ZBTB20: variants seen among roughly 807,000 people sequenced by gnomAD.
ZBTB20 encodes zinc finger and BTB domain containing 20.
A neutral mutation model predicts 56.9 loss-of-function variants in ZBTB20; 9 were observed. That is an observed-to-expected ratio of 0.16 (90% confidence interval 0.10 to 0.28). ZBTB20 has a LOEUF of 0.28. Among genes scored for constraint, ZBTB20 ranks in the 10% least tolerant of loss-of-function variants. The probability of loss-of-function intolerance (pLI) is 1.00; values close to 1 mark genes in which losing one functional copy is unlikely to be tolerated. For missense variants in ZBTB20, 655 were observed against 1,003.0 expected (o/e 0.65, Z 4.69); for synonymous variants, 417 against 420.7 (o/e 0.99, Z 0.11).
intron 1 of ZBTB20, among the ~76,000 whole-genome samples, chr3:115,087,032 G>A (rs180715888): frequency 9.0e-4 from 136 of 151,910 alleles, no homozygotes; most frequent in Admixed American, 2.0e-3. Flanking sequence ...GGGCCAAATA[G>A]CAACTTTCCC....
At chr3:114,783,539 T>C (rs1248792337) in intron 5 of ZBTB20, among the ~76,000 whole-genome samples, 1 of 152,122 alleles carries the variant, frequency 6.6e-6, no homozygotes, top group East Asian at 1.9e-4. Flanking sequence ...CTCATGCCTG[T>C]AATCCCAGCA....
rs2073460516 is a variant in ZBTB20, at chr3:114,825,198, A to G, written c.-416-24024T>C. On this transcript the variant is annotated intron_variant, in intron 4 of 11. Coordinates refer to ENST00000675478, the MANE Select transcript of ZBTB20 (RefSeq NM_001348800.3). ...ATTTTGAGACTTGCTTGATTTTAGA[A>G]TTACAGGTGGAAAGTCACTTCTCTT... Among the ~76,000 whole-genome samples, 3 of 151,908 alleles carry G rather than the reference A, an allele frequency of 2.0e-5. No individual in the cohort carries two copies. In the South Asian group the frequency reaches 6.2e-4, roughly 31 times the overall value.
At chr3:114,875,863 G>T (rs2076172285) in intron 4 of ZBTB20, among the ~76,000 whole-genome samples, 1 of 152,134 alleles carries the variant, frequency 6.6e-6, no homozygotes, top group Admixed American at 6.6e-5. Context: ...CGTACATGAG[G>T]TATTCCATTC....
intron 6 of ZBTB20, among the ~76,000 whole-genome samples, chr3:114,558,987 C>A (rs77792107): frequency 6.6e-6 from 1 of 152,154 alleles, no homozygotes; most frequent in South Asian, 2.1e-4. Flanking sequence ...CATCTCCTTA[C>A]ATGCCATCCG....
At chr3:114,728,298 A>G (rs1304023511) in intron 5 of ZBTB20, among the ~76,000 whole-genome samples, 1 of 152,216 alleles carries the variant, frequency 6.6e-6, no homozygotes, top group African/African-American at 2.4e-5. Flanking sequence ...TGTCTCAAAA[A>G]TCCTGTGGGG....
At chr3:114,532,589 C>T (rs147060508) in intron 6 of ZBTB20, among the ~76,000 whole-genome samples, 3 of 152,312 alleles carry the variant, frequency 2.0e-5, no homozygotes, top group African/African-American at 4.8e-5. Flanking sequence ...TTCCCACCTG[C>T]CAGCTCTGAA....
chr3:115,115,732 T>C (rs2083999058), intron 1 of ZBTB20, among the ~76,000 whole-genome samples: 1 of 152,070 alleles, frequency 6.6e-6, no homozygotes, highest in African/African-American at 2.4e-5. Context: ...CCCAAAAGTC[T>C]TCTAAATATT....
Position 114,437,681 on chromosome 3 carries a change from C to T in ZBTB20, c.-254-48576G>A, listed in dbSNP as rs140574457. On this transcript the variant is annotated intron_variant, in intron 7 of 11. Coordinates refer to ENST00000675478, the MANE Select transcript of ZBTB20 (RefSeq NM_001348800.3). ...CAGTCAGGCTCCTTGTTACACAGCA[C>T]TCTTTTCTCAGCTCCTACAAAATAT... 9.7e-3 allele frequency among the ~76,000 whole-genome samples: 1,476 copies of T among 152,268 alleles called. 21 individuals carry two copies. Among genetic ancestry groups the T allele is most frequent in the Non-Finnish European group, 0.014 (945 of 67,998 alleles).
At chr3:114,443,884 T>A (rs527601700) in intron 7 of ZBTB20, among the ~76,000 whole-genome samples, 1 of 152,346 alleles carries the variant, frequency 6.6e-6, no homozygotes, top group African/African-American at 2.4e-5. Context: ...TAAAATTAAG[T>A]ACATTGCCTA....
At chr3:114,813,114 C>T (rs1415814842) in intron 4 of ZBTB20, among the ~76,000 whole-genome samples, 1 of 152,224 alleles carries the variant, frequency 6.6e-6, no homozygotes, top group Non-Finnish European at 1.5e-5. Context: ...AGTGCAGCGG[C>T]GGGCCGAAGG....
intron 7 of ZBTB20, among the ~76,000 whole-genome samples, chr3:114,456,544 G>A (rs1190088629): frequency 6.6e-6 from 1 of 152,136 alleles, no homozygotes; most frequent in Non-Finnish European, 1.5e-5. Flanking sequence ...TTAAAGCACT[G>A]ATGAGATTTT....
At chr3:114,591,572 A>G (rs1283132842) in intron 6 of ZBTB20, among the ~76,000 whole-genome samples, 5 of 152,202 alleles carry the variant, frequency 3.3e-5, no homozygotes, top group Admixed American at 3.3e-4. Flanking sequence ...ATGGATAAGC[A>G]TGCTCAGGTG....
At chr3:115,075,054 TTAA>T (rs2082546058) in intron 1 of ZBTB20, among the ~76,000 whole-genome samples, 2 of 152,120 alleles carry the variant, frequency 1.3e-5, no homozygotes, top group African/African-American at 4.8e-5. Context: ...CCTGCTATAT[TTAA>T]TAATAATTTT....
At chr3:114,851,811 A>G (rs1289729055) in intron 4 of ZBTB20, among the ~76,000 whole-genome samples, 1 of 152,130 alleles carries the variant, frequency 6.6e-6, no homozygotes, top group Non-Finnish European at 1.5e-5. Flanking sequence ...AGATATGGAT[A>G]TTCCTCCGAA....
chr3:114,456,208 T>TAG (rs1186305114), intron 7 of ZBTB20, among the ~76,000 whole-genome samples: 9 of 144,684 alleles, frequency 6.2e-5, no homozygotes, highest in Non-Finnish European at 7.4e-5. Context: ...TATATATATA[T>TAG]ATATGGAGAG....
intron 3 of ZBTB20, among the ~76,000 whole-genome samples, chr3:114,934,215 T>G (rs2076454544): frequency 6.6e-6 from 1 of 152,092 alleles, no homozygotes; most frequent in South Asian, 2.1e-4. Context: ...AAATGTACCT[T>G]CCCCAACTTT....
At chr3:114,772,471 G>T (rs2069287588) in intron 5 of ZBTB20, among the ~76,000 whole-genome samples, 2 of 152,122 alleles carry the variant, frequency 1.3e-5, no homozygotes, top group South Asian at 4.2e-4. Context: ...AAAGGATTAG[G>T]ATAAATAAAA....
chr3:114,392,208 T>C (rs963802486), intron 7 of ZBTB20, among the ~76,000 whole-genome samples: 3 of 152,206 alleles, frequency 2.0e-5, no homozygotes, highest in African/African-American at 7.2e-5. Context: ...GACCTACTAT[T>C]TGATAGCACA....
chr3:114,769,239 C>G (rs968149535), intron 5 of ZBTB20, among the ~76,000 whole-genome samples: 1 of 152,004 alleles, frequency 6.6e-6, no homozygotes, highest in Admixed American at 6.6e-5. Context: ...CATTTAGTAA[C>G]AGCACAAGTT....
Sources: gnomAD v4.1 joint callset for allele counts (sites outside exome capture counted in the v4.1 genomes callset) on GRCh38, gnomAD v4.1.1 for gene constraint, MANE v1.5 for transcripts, NCBI Gene and HGNC (gene_info 2026-07-23, HGNC 2026-07-21) for gene names.